Variants in NCK2 observed in about 807,000 individuals in gnomAD.
NCK2 encodes cytoplasmic protein NCK2.
NCK2 carries 16 observed loss-of-function variants against 33.9 expected under a neutral mutation model. The observed-to-expected ratio is 0.47, with a 90% CI of 0.32 to 0.72. The LOEUF (loss-of-function observed/expected upper bound fraction) is 0.72. Ranked by LOEUF, NCK2 falls within the 30% of genes least tolerant of loss-of-function variation. The probability of loss-of-function intolerance (pLI) is 0.03; values close to 1 mark genes in which losing one functional copy is unlikely to be tolerated. For missense variants in NCK2, 418 were observed against 537.3 expected (o/e 0.78, Z 2.19); for synonymous variants, 273 against 239.9 (o/e 1.14, Z -1.27).
chr2:105,767,810 C>T (rs1689995659), intron 1 of NCK2, among the ~76,000 whole-genome samples: 1 of 152,098 alleles, frequency 6.6e-6, no homozygotes, highest in Non-Finnish European at 1.5e-5. Flanking sequence ...TACCCATTGT[C>T]TCAGGGGATT....
rs61440392 is a variant in NCK2 at position 105,865,902 on chromosome 2, A to ATATTATTATTATTATTATTATTAT, written c.226+10618_226+10641dup. On this transcript the variant is annotated intron_variant, in intron 3 of 4. Transcript: ENST00000233154. ...GTTGTCTTCACTCTTAAAGACAGAG[A>ATATTATTATTATTATTATTATTAT]TATTATTATTATTATTATTATTATT... 6.6e-3 allele frequency among the ~76,000 whole-genome samples: 984 copies of ATATTATTATTATTATTATTATTAT among 148,790 alleles called. 6 individuals carry two copies. Among genetic ancestry groups the ATATTATTATTATTATTATTATTAT allele is most frequent in the African/African-American group, 0.022 (903 of 40,482 alleles).
intron 2 of NCK2, among the ~76,000 whole-genome samples, chr2:105,824,515 G>A (rs1388763432): frequency 6.6e-6 from 1 of 152,202 alleles, no homozygotes; most frequent in East Asian, 1.9e-4. Context: ...TCTGGTACAG[G>A]CCTTTCTTGT....
chr2:105,758,657 C>T (rs1362235142), intron 1 of NCK2, among the ~76,000 whole-genome samples: 1 of 152,122 alleles, frequency 6.6e-6, no homozygotes, highest in Non-Finnish European at 1.5e-5. Context: ...ATCCACCCGC[C>T]TCAGCCTCCC....
At chr2:105,766,971 A>G (rs1339255147) in intron 1 of NCK2, among the ~76,000 whole-genome samples, 1 of 152,138 alleles carries the variant, frequency 6.6e-6, no homozygotes, top group Non-Finnish European at 1.5e-5. Flanking sequence ...ATGTGAAGAG[A>G]CACGCTTGGG....
intron 2 of NCK2, among the ~76,000 whole-genome samples, chr2:105,825,232 G>C (rs941395550): frequency 1.3e-5 from 2 of 152,180 alleles, no homozygotes; most frequent in Admixed American, 1.3e-4. Flanking sequence ...CGAGTGGGCA[G>C]ACAGGACCTG....
intron 1 of NCK2, among the ~76,000 whole-genome samples, chr2:105,767,776 G>A (rs1033169820): frequency 7.2e-5 from 11 of 152,198 alleles, no homozygotes; most frequent in Non-Finnish European, 1.3e-4. Flanking sequence ...TTCCGTGCCC[G>A]CACCTGGGAA....
intron 1 of NCK2, among the ~76,000 whole-genome samples, chr2:105,794,924 C>G (rs1573602083): frequency 6.6e-6 from 1 of 152,158 alleles, no homozygotes; most frequent in Admixed American, 6.5e-5. Context: ...ACTACTCTCT[C>G]TATCTTCTTT....
chr2:105,870,669 C>T (rs770931972), intron 3 of NCK2, among the ~76,000 whole-genome samples: 5 of 152,210 alleles, frequency 3.3e-5, no homozygotes, highest in Non-Finnish European at 5.9e-5. Context: ...GCACAAGAAT[C>T]GCTTGAACCT....
chr2:105,840,161 T>C (rs1573186408), intron 2 of NCK2, among the ~76,000 whole-genome samples: 3 of 151,940 alleles, frequency 2.0e-5, no homozygotes, highest in Non-Finnish European at 4.4e-5. Context: ...AATCACAATA[T>C]GGAGGAGAAT....
intron 3 of NCK2, among the ~76,000 whole-genome samples, chr2:105,863,283 A>G (rs1677615376): frequency 6.6e-6 from 1 of 152,068 alleles, no homozygotes; most frequent in African/African-American, 2.4e-5. Context: ...ACAAGGGCAG[A>G]GCTGTTCATC....
At chr2:105,818,949 T>C (rs1489613955) in intron 2 of NCK2, among the ~76,000 whole-genome samples, 1 of 152,190 alleles carries the variant, frequency 6.6e-6, no homozygotes, top group African/African-American at 2.4e-5. Flanking sequence ...TGATGTGTGG[T>C]ATTTAGAACA....
chr2:105,873,501 C>T (rs1202863627), intron 3 of NCK2, among the ~76,000 whole-genome samples: 1 of 152,188 alleles, frequency 6.6e-6, no homozygotes, highest in African/African-American at 2.4e-5. Flanking sequence ...TGCTGATCCA[C>T]CGCCACCACC....
chr2:105,830,685 G>GTGTGTGTGTGTGTGTGTGTGTGTA (rs1341183984), intron 2 of NCK2, among the ~76,000 whole-genome samples: 2 of 128,686 alleles, frequency 1.6e-5, no homozygotes, highest in Non-Finnish European at 3.4e-5. Flanking sequence ...GTGTGTGTGT[G>GTGTGTGTGTGTGTGTGTGTGTGTA]TGTGTGTGTG....
intron 1 of NCK2, among the ~76,000 whole-genome samples, chr2:105,815,939 G>A (rs1675463550): frequency 6.6e-6 from 1 of 152,134 alleles, no homozygotes; most frequent in Non-Finnish European, 1.5e-5. Flanking sequence ...GGGAGCTCAG[G>A]TCCCTTGATT....
At chr2:105,806,073 T>C (rs1037017665) in intron 1 of NCK2, among the ~76,000 whole-genome samples, 4 of 152,050 alleles carry the variant, frequency 2.6e-5, no homozygotes, top group African/African-American at 9.7e-5. Context: ...CCCATGAAGT[T>C]AGGTGTCGAA....
chr2:105,781,488 C>T (rs979875603), intron 1 of NCK2, among the ~76,000 whole-genome samples: 4 of 152,200 alleles, frequency 2.6e-5, no homozygotes, highest in African/African-American at 4.8e-5. Flanking sequence ...ACGTCTGTTT[C>T]GTAATATTTC....
At chr2:105,779,303 T>A (rs1690410821) in intron 1 of NCK2, among the ~76,000 whole-genome samples, 1 of 72,212 alleles carries the variant, frequency 1.4e-5, no homozygotes, top group Non-Finnish European at 2.7e-5. Context: ...CGAGACTCCG[T>A]CTCAAAAAAA....
At chr2:105,876,756 G>T (rs568018590) in intron 3 of NCK2, among the ~76,000 whole-genome samples, 75 of 152,344 alleles carry the variant, frequency 4.9e-4, no homozygotes, top group African/African-American at 1.7e-3. Context: ...AATGAAAGAT[G>T]AGGCGATGAA....
chr2:105,748,320 T>C (rs1689355523), intron 1 of NCK2, among the ~76,000 whole-genome samples: 1 of 152,228 alleles, frequency 6.6e-6, no homozygotes, highest in African/African-American at 2.4e-5. Context: ...TGGCATCATC[T>C]TTAAACTTCC....
Sources: allele counts gnomAD v4.1 joint callset (sites outside exome capture counted in the v4.1 genomes callset), GRCh38; gene constraint gnomAD v4.1.1; transcripts MANE v1.5; gene names NCBI Gene and HGNC (gene_info 2026-07-23, HGNC 2026-07-21).